Variants in ERBB4 observed in about 807,000 individuals in gnomAD.
The protein encoded by ERBB4 is receptor tyrosine-protein kinase erbB-4.
ERBB4 carries 42 observed loss-of-function variants against 158.0 expected under a neutral mutation model. That is an observed-to-expected ratio of 0.27 (90% CI 0.21 to 0.34). The LOEUF (loss-of-function observed/expected upper bound fraction) is 0.34, where lower values mean the gene tolerates loss of function less well. Ranked by LOEUF, ERBB4 falls within the 10% of genes least tolerant of loss-of-function variation. The pLI is 1.00. For missense variants in ERBB4, 1,333 were observed against 1,624.1 expected (o/e 0.82, Z 3.08); for synonymous variants, 583 against 558.7 (o/e 1.04, Z -0.61).
intron 2 of ERBB4, among the ~76,000 whole-genome samples, chr2:212,057,205 G>C (rs1431754836): frequency 6.6e-6 from 1 of 152,126 alleles, no homozygotes; most frequent in Non-Finnish European, 1.5e-5. Flanking sequence ...AATGGTAAAG[G>C]GATCAATTCA....
intron 1 of ERBB4, among the ~76,000 whole-genome samples, chr2:212,140,024 C>A (rs1431197911): frequency 6.6e-6 from 1 of 151,640 alleles, no homozygotes; most frequent in Non-Finnish European, 1.5e-5. Context: ...ATGTTCATTT[C>A]TTTTCAGATG....
chr2:211,679,953 TAC>T (rs1333132533), intron 12 of ERBB4, among the ~76,000 whole-genome samples: 1 of 152,206 alleles, frequency 6.6e-6, no homozygotes, highest in East Asian at 1.9e-4. Context: ...GTGCTGGGAT[TAC>T]AGTCGTGAGG....
chr2:212,048,403 A>C (rs979313089), intron 2 of ERBB4, among the ~76,000 whole-genome samples: 1 of 152,160 alleles, frequency 6.6e-6, no homozygotes, highest in African/African-American at 2.4e-5. Context: ...TATAGCAGTG[A>C]TTTAGAGCAG....
intron 3 of ERBB4, among the ~76,000 whole-genome samples, chr2:211,925,195 T>G (rs920210919): frequency 4.6e-5 from 7 of 152,180 alleles, no homozygotes; most frequent in Admixed American, 2.0e-4. Flanking sequence ...AAAATACTTT[T>G]TCTTTATAAG....
rs113170886 is a variant in ERBB4 at position 212,172,720 on chromosome 2, G to A, written c.83-47817C>T. On this transcript the variant is annotated intron_variant, in intron 1 of 27. Coordinates refer to ENST00000342788, the MANE Select transcript of ERBB4 (RefSeq NM_005235.3). ...ATCACGTGTTCTCACTTATAAGTGGGAGCTAAATGATGAGAACACATGGAC... is the reference window on the plus strand; with the variant it reads ...ATCACGTGTTCTCACTTATAAGTGGAAGCTAAATGATGAGAACACATGGAC... 3.4e-3 allele frequency among the ~76,000 whole-genome samples: 522 copies of A among 152,130 alleles called. 3 individuals are homozygous for A. The highest frequency in any genetic ancestry group is 0.012 in the African/African-American group (488 of 41,506).
chr2:211,760,446 T>A (rs2075381343), intron 4 of ERBB4, among the ~76,000 whole-genome samples: 1 of 152,170 alleles, frequency 6.6e-6, no homozygotes, highest in Admixed American at 6.5e-5. Flanking sequence ...AGAATAATCA[T>A]TCAGATTTAG....
intron 1 of ERBB4, among the ~76,000 whole-genome samples, chr2:212,271,546 C>G (rs115250400): frequency 0.029 from 4,409 of 151,758 alleles, 71 homozygotes; most frequent in Non-Finnish European, 0.037. Flanking sequence ...ATTAATCTTT[C>G]AAAATCACAA....
At chr2:212,524,968 T>C (rs1307815204) in intron 1 of ERBB4, among the ~76,000 whole-genome samples, 1 of 152,012 alleles carries the variant, frequency 6.6e-6, no homozygotes, top group Non-Finnish European at 1.5e-5. Context: ...GTATTAACTC[T>C]TTACTTGTTT....
intron 4 of ERBB4, among the ~76,000 whole-genome samples, chr2:211,785,408 C>T (rs979714494): frequency 1.3e-5 from 2 of 152,090 alleles, no homozygotes; most frequent in African/African-American, 4.8e-5. Flanking sequence ...GCCGCACAGA[C>T]GTTTTTAAGT....
chr2:211,496,724 C>T (rs1035186517), intron 20 of ERBB4, among the ~76,000 whole-genome samples: 1 of 152,056 alleles, frequency 6.6e-6, no homozygotes, highest in African/African-American at 2.4e-5. Context: ...AAGATGGTGG[C>T]CATGATTATC....
chr2:211,486,071 T>C (rs987585389), intron 20 of ERBB4, among the ~76,000 whole-genome samples: 2 of 152,142 alleles, frequency 1.3e-5, no homozygotes, highest in Non-Finnish European at 2.9e-5. Flanking sequence ...GGCTCTATAG[T>C]TGTATTTATA....
At chr2:211,773,632 A>ATAT (rs1553630498) in intron 4 of ERBB4, among the ~76,000 whole-genome samples, 1 of 84,266 alleles carries the variant, frequency 1.2e-5, no homozygotes, top group African/African-American at 7.0e-5. Flanking sequence ...ATATATATAT[A>ATAT]TATATATATA....
intron 5 of ERBB4, among the ~76,000 whole-genome samples, chr2:211,740,707 T>C (rs2074762895): frequency 7.0e-6 from 1 of 143,700 alleles, no homozygotes; most frequent in Non-Finnish European, 1.5e-5. Context: ...GCTTACAGGG[T>C]TTATGCCATT....
chr2:211,558,767 A>G (rs765872385), intron 20 of ERBB4, among the ~76,000 whole-genome samples: 6 of 147,318 alleles, frequency 4.1e-5, no homozygotes, highest in Admixed American at 6.7e-5. Context: ...CCCGAAGTAG[A>G]AAAAAAAAAT....
chr2:211,899,098 C>G (rs1179121930), intron 3 of ERBB4, among the ~76,000 whole-genome samples: 3 of 152,006 alleles, frequency 2.0e-5, no homozygotes, highest in Non-Finnish European at 2.9e-5. Flanking sequence ...AGAAGAGAAG[C>G]AAGACAAAAA....
intron 3 of ERBB4, among the ~76,000 whole-genome samples, chr2:211,878,147 C>T (rs1575301158): frequency 6.6e-6 from 1 of 152,042 alleles, no homozygotes; most frequent in East Asian, 1.9e-4. Flanking sequence ...CAATGTATCA[C>T]CGTAGAAATT....
chr2:212,353,349 A>C (rs1357068765), intron 1 of ERBB4, among the ~76,000 whole-genome samples: 2 of 150,474 alleles, frequency 1.3e-5, no homozygotes, highest in African/African-American at 4.9e-5. Flanking sequence ...TATGTATATA[A>C]TATGTACAAA....
At chr2:212,304,634 G>C (rs955032798) in intron 1 of ERBB4, among the ~76,000 whole-genome samples, 4 of 151,438 alleles carry the variant, frequency 2.6e-5, no homozygotes, top group Admixed American at 2.0e-4. Context: ...ACATAAATCA[G>C]AACTGGACCA....
chr2:211,742,349 T>A (rs2074827493), intron 5 of ERBB4, among the ~76,000 whole-genome samples: 1 of 152,248 alleles, frequency 6.6e-6, no homozygotes, highest in Non-Finnish European at 1.5e-5. Flanking sequence ...AAATAATTTG[T>A]CATTTTGCTT....
Sources: allele counts gnomAD v4.1 joint callset (sites outside exome capture counted in the v4.1 genomes callset), GRCh38; gene constraint gnomAD v4.1.1; transcripts MANE v1.5; gene names NCBI Gene and HGNC (gene_info 2026-07-23, HGNC 2026-07-21).